Variants in VPS13D observed in about 807,000 individuals in gnomAD.
VPS13D encodes the protein intermembrane lipid transfer protein VPS13D.
VPS13D carries 187 observed loss-of-function variants against 461.9 expected under a neutral mutation model. The observed-to-expected ratio is 0.40, with a 90% confidence interval of 0.36 to 0.46. VPS13D has a LOEUF of 0.46. Ranked by LOEUF, VPS13D falls within the 20% of genes least tolerant of loss-of-function variation. The pLI, the probability that VPS13D is intolerant of heterozygous loss-of-function variation, is 0.60. For missense variants in VPS13D, 4,711 were observed against 5,364.9 expected, an observed-to-expected ratio of 0.88 and a Z score of 3.81; for synonymous variants, 1,951 against 1,986.3, an observed-to-expected ratio of 0.98 and a Z score of 0.47.
At chr1:12,288,418 GTGGCT>G in intron 22 of VPS13D, 105 bp downstream of exon 22, 1 of 1,009,290 alleles carries the variant, frequency 9.9e-7, no homozygotes, top group African/African-American at 1.6e-5. Flanking sequence ...AGGTGTGGCA[GTGGCT>G]TGATTGTGGT....
chr1:12,273,524 G>A (rs1228434651), intron 18 of VPS13D, among the ~76,000 whole-genome samples: 2 of 152,010 alleles, frequency 1.3e-5, no homozygotes, highest in Non-Finnish European at 2.9e-5. Context: ...CATCTTCCCC[G>A]ACTGAAACTC....
chr1:12,438,913 C>G lies in VPS13D; in HGVS notation c.12334-17085C>G, dbSNP rs977543343. 7.9e-5 allele frequency among the ~76,000 whole-genome samples: 12 copies of G among 152,210 alleles called. 1 individual carries two copies. Among genetic ancestry groups the G allele is most frequent in the Admixed American group, 7.2e-4 (11 of 15,286 alleles). ...TCAAATACTTTGGAGTCATCCTTGG[C>G]TCCTTTCGGTCATGCCGCATGTCCA... On this transcript the variant is annotated intron_variant, in intron 65 of 69. Coordinates refer to ENST00000620676, the MANE Select transcript of VPS13D (RefSeq NM_015378.4).
intron 55 of VPS13D, among the ~76,000 whole-genome samples, chr1:12,377,096 G>A (rs1366474441): frequency 1.4e-5 from 2 of 141,394 alleles, no homozygotes; most frequent in Non-Finnish European, 1.5e-5. Context: ...TTTCGCTCTT[G>A]TTCCCCAGGC....
At chr1:12,503,578 G>A (rs1020750907) in intron 68 of VPS13D, among the ~76,000 whole-genome samples, 2 of 152,204 alleles carry the variant, frequency 1.3e-5, no homozygotes, top group African/African-American at 2.4e-5. Context: ...AACCTAAAAT[G>A]TGTCAACTGA....
chr1:12,354,158 A>G lies in VPS13D; in HGVS notation c.9616A>G (p.Thr3206Ala). The G allele has an allele frequency of 6.2e-7, 1 of 1,614,204 alleles. No homozygotes were observed. Among genetic ancestry groups the G allele is most frequent in the South Asian group, 1.1e-5 (1 of 91,086 alleles). Reference sequence around the variant, plus strand: ...TGTTAAAGGAATGCCAATTAATGGGACGCTGAAACCTGGCAAGGAGGCAGC... The same window carrying G: ...TGTTAAAGGAATGCCAATTAATGGGGCGCTGAAACCTGGCAAGGAGGCAGC... ...FYVKGMPING[T>A]LKPGKEAALH... is the part of the protein sequence containing the mutation. Residue 3206 changes from threonine (T) to alanine (A), a missense_variant, in exon 47 of 70, where the codon ACG (threonine) becomes GCG (alanine). Thr to Ala is a moderately conservative substitution (Grantham distance 58). Around this residue, in one of 3 missense-constraint regions of VPS13D, gnomAD observed 4,411 missense variants for 4,937.8 expected, o/e 0.89. Transcript: ENST00000620676.
At chr1:12,378,396 T>C (rs758441528) in intron 55 of VPS13D, 32 bp from the exon 56 acceptor site, 1 of 1,550,236 alleles carries the variant, frequency 6.5e-7, no homozygotes, top group Non-Finnish European at 8.7e-7. Flanking sequence ...CCATAATGGC[T>C]CTTTCTCTTT....
chr1:12,508,221 G>A (rs1393879369), intron 69 of VPS13D, among the ~76,000 whole-genome samples: 1 of 152,196 alleles, frequency 6.6e-6, no homozygotes, highest in Non-Finnish European at 1.5e-5. Flanking sequence ...TGGGCAGAGA[G>A]GTGTTTGTGG....
rs142822216 is a variant in VPS13D, at chr1:12,277,637, G to T, written c.4049G>T (p.Arg1350Leu). ...VSLFETPRKT[R>L]EPFILEENEI... ...CTCTTTGAAACTCCAAGGAAGACTC[G>T]GGAACCCTTTATCTTAGAGGAAAAT... Residue 1350 changes from arginine (R) to leucine (L), a missense_variant, in exon 19 of 70, where the codon CGG becomes CTG. Physicochemically the swap from Arg to Leu is moderately radical, Grantham distance 102. Around this residue, in one of 3 missense-constraint regions of VPS13D, gnomAD observed 4,411 missense variants for 4,937.8 expected, o/e 0.89. Transcript: ENST00000620676. 6.2e-7 allele frequency: 1 copy of T among 1,613,956 alleles called. No individual in the cohort carries two copies. Among genetic ancestry groups the T allele is most frequent in the East Asian group, 2.2e-5 (1 of 44,878 alleles).
At chr1:12,469,008 T>C (rs1005832505) in intron 67 of VPS13D, among the ~76,000 whole-genome samples, 1 of 150,894 alleles carries the variant, frequency 6.6e-6, no homozygotes, top group African/African-American at 2.4e-5. Flanking sequence ...CACTCCAGCC[T>C]GGGTGATGGG....
chr1:12,261,857 T>C (rs778141339), intron 12 of VPS13D, 44 bp from the exon 13 acceptor site: 1 of 1,515,534 alleles, frequency 6.6e-7, no homozygotes, highest in Admixed American at 1.9e-5. Flanking sequence ...GCTTTTTTAT[T>C]CTTCCACGTT....
chr1:12,268,787 T>G lies in VPS13D; in HGVS notation c.1883T>G (p.Val628Gly). ...AGCCACTTTGAGAGGCGGCTCAATG[T>G]CAGCACAAGGCCCTTGAACATCATA... ...AHSHFERRLN[V>G]STRPLNIIYN... Residue 628 changes from valine (V) to glycine (G), a missense_variant, in exon 16 of 70, where the codon GTC (valine) becomes GGC (glycine). By Grantham distance (109) the Val-to-Gly change is moderately radical (BLOSUM62 -3). This residue lies in a region of VPS13D where 4,411 missense variants were observed against 4,937.8 expected (regional missense o/e 0.89). Transcript: ENST00000620676. The G allele has an allele frequency of 6.2e-7, 1 of 1,614,148 alleles. No individual in the cohort carries two copies. The highest frequency in any genetic ancestry group is 8.5e-7 in the Non-Finnish European group (1 of 1,180,008).
At position 12,283,031 on chromosome 1, in the gene VPS13D, G is replaced by A. The variant is rs775827078; in HGVS notation, c.4929G>A (p.Val1643=). 6.2e-7 allele frequency: 1 copy of A among 1,613,756 alleles called. No individual in the cohort carries two copies. The highest frequency in any genetic ancestry group is 8.5e-7 in the Non-Finnish European group (1 of 1,179,938). Residue 1643 remains valine, a synonymous_variant, in exon 21 of 70, where the codon GTG becomes GTA. Transcript: ENST00000620676. ...TGACTTTGGGGGCCCAAGGTCTTGT[G>A]AGCTTAAAGTTTCAGGACTTTGAGG... is the stretch of plus-strand genomic sequence containing the variant. ...GDLTLGAQGL[V]SLKFQDFEVE...
chr1:12,304,372 G>A (rs1189126880), intron 25 of VPS13D, 134 bp from the exon 26 acceptor site: 2 of 748,928 alleles, frequency 2.7e-6, no homozygotes, highest in African/African-American at 1.8e-5. Flanking sequence ...GCTGAGGGAA[G>A]TATAAGTATT....
chr1:12,305,276 A>G (rs1553177111), intron 26 of VPS13D, among the ~76,000 whole-genome samples: 2 of 149,114 alleles, frequency 1.3e-5, no homozygotes, highest in Non-Finnish European at 3.0e-5. Context: ...GGTTTTATGT[A>G]TTTTTTTTTT....
At chr1:12,369,802 G>C in intron 54 of VPS13D, 100 bp downstream of exon 54, 1 of 1,102,882 alleles carries the variant, frequency 9.1e-7, no homozygotes, top group Admixed American at 2.6e-5. Flanking sequence ...AAGTACAAAG[G>C]AAGATTCTTT....
At chr1:12,284,664 A>T (rs958011764) in intron 21 of VPS13D, among the ~76,000 whole-genome samples, 2 of 152,222 alleles carry the variant, frequency 1.3e-5, no homozygotes, top group Non-Finnish European at 2.9e-5. Flanking sequence ...GATGTTCTTT[A>T]TCCACATGTC....
intron 60 of VPS13D, among the ~76,000 whole-genome samples, chr1:12,396,119 A>G (rs1441205728): frequency 6.6e-6 from 1 of 150,980 alleles, no homozygotes; most frequent in African/African-American, 2.4e-5. Context: ...CAGGAAAGAG[A>G]GAGATGCCAG....
Position 12,322,728 on chromosome 1 carries a change from A to T in VPS13D, c.7897A>T (p.Thr2633Ser), listed in dbSNP as rs780435604. The T allele has an allele frequency of 1.9e-6, 3 of 1,614,104 alleles. No homozygotes were observed. The highest frequency in any genetic ancestry group is 2.5e-6 in the Non-Finnish European group (3 of 1,179,964). ...GEEIREGTRH[T>S]LDPVLELQLA... ...GGAAATCAGAGAAGGGACAAGACACACCTTAGATCCTGTCTTGGGTAGGTG... is the reference window on the plus strand; with the variant it reads ...GGAAATCAGAGAAGGGACAAGACACTCCTTAGATCCTGTCTTGGGTAGGTG... Residue 2633 changes from threonine (T) to serine (S), a missense_variant, in exon 34 of 70, where the codon ACC becomes TCC. Around this residue, in one of 3 missense-constraint regions of VPS13D, gnomAD observed 4,411 missense variants for 4,937.8 expected, o/e 0.89. Coordinates refer to ENST00000620676, the MANE Select transcript of VPS13D (RefSeq NM_015378.4).
chr1:12,265,055 T>C (rs1455973789), intron 13 of VPS13D, among the ~76,000 whole-genome samples: 1 of 152,186 alleles, frequency 6.6e-6, no homozygotes, highest in Non-Finnish European at 1.5e-5. Flanking sequence ...GCTTGGATGA[T>C]GCCAGTACAT....
Sources: allele counts gnomAD v4.1 joint callset (sites outside exome capture counted in the v4.1 genomes callset), GRCh38; gene constraint gnomAD v4.1.1; regional missense constraint gnomAD v4.1.1; transcripts MANE v1.5; gene names NCBI Gene and HGNC (gene_info 2026-07-23, HGNC 2026-07-21).